MBOAT1: variants seen among roughly 807,000 people sequenced by gnomAD.
MBOAT1 encodes membrane bound glycerophospholipid O-acyltransferase 1, also known as membrane-bound glycerophospholipid O-acyltransferase 1.
Under a neutral mutation model 64.4 loss-of-function variants are expected in MBOAT1, and 67 were observed. The observed-to-expected ratio is 1.04, with a 90% CI of 0.85 to 1.27. The LOEUF (loss-of-function observed/expected upper bound fraction) is 1.27, where lower values mean the gene tolerates loss of function less well. Among genes scored for constraint, MBOAT1 ranks in the 50% most tolerant of loss-of-function variants. The probability of loss-of-function intolerance (pLI) is 0.00; values close to 1 mark genes in which losing one functional copy is unlikely to be tolerated. For missense variants in MBOAT1, 563 were observed against 604.6 expected (o/e 0.93, Z 0.72); for synonymous variants, 229 against 218.9 (o/e 1.05, Z -0.41).
In MBOAT1 at chr6:20,106,515, C is replaced by T. The variant is rs184985451; in HGVS notation, c.1361+3083G>A. On this transcript the variant is annotated intron_variant, in intron 12 of 12. Coordinates refer to ENST00000324607, the MANE Select transcript of MBOAT1 (RefSeq NM_001080480.3). ...TCAGCTCACTGCAATCTCCACCTGC[C>T]GGGTTCAAGCAATTCTCCTGCCTCA... Among the ~76,000 whole-genome samples, 1,111 of 152,192 alleles carry T rather than the reference C, an allele frequency of 7.3e-3. 10 individuals carry two copies. Among genetic ancestry groups the T allele is most frequent in the Admixed American group, 0.013 (205 of 15,278 alleles).
intron 11 of MBOAT1, among the ~76,000 whole-genome samples, chr6:20,111,859 C>CGTATATATACGTATATATATGTATAT (rs1371697719): frequency 9.2e-6 from 1 of 108,620 alleles, no homozygotes; most frequent in African/African-American, 4.2e-5. Context: ...TATATATATA[C>CGTATATATACGTATATATATGTATAT]ATATATATAC....
At chr6:20,131,290 A>G in intron 4 of MBOAT1, 91 bp from the exon 5 acceptor site, 1 of 1,135,684 alleles carries the variant, frequency 8.8e-7, no homozygotes, top group South Asian at 1.2e-5. Context: ...CTTGAATTGT[A>G]GTTCCCATAA....
chr6:20,106,714 G>A (rs961475095), intron 12 of MBOAT1, among the ~76,000 whole-genome samples: 17 of 152,096 alleles, frequency 1.1e-4, no homozygotes, highest in Non-Finnish European at 1.2e-4. Flanking sequence ...GAGCCACCGC[G>A]CCCGACCATC....
chr6:20,140,229 T>C (rs1022797877), intron 4 of MBOAT1, among the ~76,000 whole-genome samples: 1 of 152,220 alleles, frequency 6.6e-6, no homozygotes, highest in African/African-American at 2.4e-5. Flanking sequence ...TCAATGGCAA[T>C]TATTTTTAAT....
chr6:20,151,584 T>C (rs554426807), intron 2 of MBOAT1, among the ~76,000 whole-genome samples: 1 of 152,244 alleles, frequency 6.6e-6, no homozygotes, highest in South Asian at 2.1e-4. Context: ...TTTTTTAAAC[T>C]GGGCTTCCCA....
At chr6:20,172,851 GATCAGTGTCCCCACCAA>G (rs1463073743) in intron 1 of MBOAT1, among the ~76,000 whole-genome samples, 3 of 152,194 alleles carry the variant, frequency 2.0e-5, no homozygotes, top group Non-Finnish European at 4.4e-5. Context: ...ATATGGGTTG[GATCAGTGTCCCCACCAA>G]ATCTCATGTT....
chr6:20,119,312 T>C (rs1253067900), intron 8 of MBOAT1, among the ~76,000 whole-genome samples: 1 of 152,230 alleles, frequency 6.6e-6, no homozygotes, highest in Non-Finnish European at 1.5e-5. Flanking sequence ...GAATATTTCA[T>C]CTCTATTCAA....
chr6:20,137,054 G>A (rs1761016723), intron 4 of MBOAT1, among the ~76,000 whole-genome samples: 1 of 152,114 alleles, frequency 6.6e-6, no homozygotes, highest in African/African-American at 2.4e-5. Flanking sequence ...ATTGACAACA[G>A]CTGAACATCT....
intron 11 of MBOAT1, among the ~76,000 whole-genome samples, chr6:20,112,456 G>C (rs953679573): frequency 1.3e-5 from 2 of 152,192 alleles, no homozygotes; most frequent in Admixed American, 6.5e-5. Flanking sequence ...AAGAGACTCT[G>C]TGAGTTATTT....
intron 10 of MBOAT1, among the ~76,000 whole-genome samples, chr6:20,114,712 G>A (rs1184398507): frequency 6.6e-6 from 1 of 151,880 alleles, no homozygotes; most frequent in Non-Finnish European, 1.5e-5. Context: ...GTGAAACCTC[G>A]TCTCTACTAA....
At chr6:20,160,019 C>G (rs1398593221) in intron 1 of MBOAT1, among the ~76,000 whole-genome samples, 2 of 152,104 alleles carry the variant, frequency 1.3e-5, no homozygotes, top group Non-Finnish European at 2.9e-5. Flanking sequence ...TGATCAGATT[C>G]CTATAAACAA....
At chr6:20,176,624 G>A (rs931824266) in intron 1 of MBOAT1, among the ~76,000 whole-genome samples, 1 of 152,054 alleles carries the variant, frequency 6.6e-6, no homozygotes, top group Non-Finnish European at 1.5e-5. Context: ...TTCAGAAATA[G>A]CTAATTTTTA....
chr6:20,116,008 A>T (rs1035631398), intron 9 of MBOAT1, among the ~76,000 whole-genome samples: 1 of 147,324 alleles, frequency 6.8e-6, no homozygotes, highest in Admixed American at 6.8e-5. Flanking sequence ...AAAAAAAAAG[A>T]AAAAGGTCTT....
In MBOAT1 at chr6:20,196,960, A is replaced by AT. The variant is rs1491184699; in HGVS notation, c.99+15175dup. 3.9e-5 allele frequency among the ~76,000 whole-genome samples: 6 copies of AT among 152,320 alleles called. No individual in the cohort carries two copies. The East Asian group carries it at 1.2e-3, about 29-fold the overall frequency. ...TGAGATCCCAGAATAGAAAGAAGAC[A>AT]TTGATGGAAAAATTGGTGAAATTCA... On this transcript the variant is annotated intron_variant, in intron 1 of 12. Transcript: ENST00000324607.
chr6:20,168,645 G>GAGAAGAGAAGAGAAGAGAAGAGAA (rs1561773422), intron 1 of MBOAT1, among the ~76,000 whole-genome samples: 6 of 89,104 alleles, frequency 6.7e-5, no homozygotes, highest in African/African-American at 3.4e-4. Context: ...AGAGAAGAGA[G>GAGAAGAGAAGAGAAGAGAAGAGAA]GAGAGGAGAG....
At chr6:20,207,897 C>T (rs892157893) in intron 1 of MBOAT1, among the ~76,000 whole-genome samples, 2 of 152,188 alleles carry the variant, frequency 1.3e-5, no homozygotes, top group Non-Finnish European at 2.9e-5. Context: ...CTTACATGGG[C>T]CTTTTGTTTC....
chr6:20,122,656 G>T (rs1022109894), intron 8 of MBOAT1, among the ~76,000 whole-genome samples: 5 of 152,222 alleles, frequency 3.3e-5, no homozygotes, highest in East Asian at 1.9e-4. Context: ...GGGGGAGGAA[G>T]GAATGGGGAG....
chr6:20,117,657 C>T (rs1468041929), intron 9 of MBOAT1, among the ~76,000 whole-genome samples: 13 of 152,186 alleles, frequency 8.5e-5, no homozygotes, highest in Admixed American at 5.2e-4. Flanking sequence ...CATACAACCC[C>T]TCCTGCCCAA....
chr6:20,103,056 A>G (rs1759848316), intron 12 of MBOAT1, among the ~76,000 whole-genome samples: 1 of 152,248 alleles, frequency 6.6e-6, no homozygotes, highest in African/African-American at 2.4e-5. Context: ...ACAATACTAT[A>G]CTTTCCCATT....
Sources: allele counts gnomAD v4.1 joint callset (sites outside exome capture counted in the v4.1 genomes callset), GRCh38; gene constraint gnomAD v4.1.1; transcripts MANE v1.5; gene names NCBI Gene and HGNC (gene_info 2026-07-23, HGNC 2026-07-21).